The following CACNB2 variants were observed in gnomAD, a reference collection of about 807,000 sequenced individuals.
CACNB2 encodes voltage-dependent L-type calcium channel subunit beta-2.
In CACNB2, 42 loss-of-function variants were observed where a neutral mutation model predicts 73.3. The observed-to-expected ratio is 0.57, with a 90% CI of 0.45 to 0.74. The LOEUF (loss-of-function observed/expected upper bound fraction) is 0.74, where lower values mean the gene tolerates loss of function less well. CACNB2 is among the 30% of genes least tolerant of loss of function. The pLI is 0.00. For missense variants in CACNB2, 940 were observed against 853.0 expected, an observed-to-expected ratio of 1.10 and a Z score of -1.27; for synonymous variants, 348 against 310.3, an observed-to-expected ratio of 1.12 and a Z score of -1.28.
chr10:18,373,689 C>T (rs549805635), intron 2 of CACNB2, among the ~76,000 whole-genome samples: 1 of 152,118 alleles, frequency 6.6e-6, no homozygotes, highest in Non-Finnish European at 1.5e-5. Flanking sequence ...TTGAGGTTAG[C>T]CTAGATGTTC....
rs2049762335 is a variant in CACNB2, at chr10:18,495,604, G to A, written c.334-2751G>A. On this transcript the variant is annotated intron_variant, in intron 3 of 13. Transcript: ENST00000324631. ...GTGTGTGTGTGTGTATAAGAGATGA[G>A]GTCTCACTTTGTTGCCCAGGCTGGT... 2.1e-5 allele frequency among the ~76,000 whole-genome samples: 3 copies of A among 142,952 alleles called. No individual in the cohort carries two copies. The South Asian group carries it at 6.6e-4, about 32-fold the overall frequency. The allele number at this position is 142,952 out of a possible 152,430, so 93.8% of individuals were successfully genotyped here. A position where few individuals can be genotyped will look rare whatever the true frequency, so the allele number is the denominator to read the frequency against.
intron 2 of CACNB2, among the ~76,000 whole-genome samples, chr10:18,362,077 CCTCAGCT>C (rs1258343201): frequency 6.6e-6 from 1 of 152,162 alleles, no homozygotes; most frequent in Non-Finnish European, 1.5e-5. Flanking sequence ...AATCCTCCTG[CCTCAGCT>C]TCCCAATGGG....
chr10:18,229,604 TA>T (rs1213431294), intron 2 of CACNB2, among the ~76,000 whole-genome samples: 4 of 152,324 alleles, frequency 2.6e-5, no homozygotes, highest in African/African-American at 9.6e-5. Context: ...AAAAATGTAT[TA>T]AAATATTAAC....
chr10:18,414,334 T>G (rs141589683), intron 3 of CACNB2, among the ~76,000 whole-genome samples: 1 of 152,186 alleles, frequency 6.6e-6, no homozygotes, highest in African/African-American at 2.4e-5. Context: ...ACCAAGTACT[T>G]GGGAACAAAA....
At chr10:18,230,637 T>C (rs1376453119) in intron 2 of CACNB2, among the ~76,000 whole-genome samples, 2 of 152,156 alleles carry the variant, frequency 1.3e-5, no homozygotes, top group Non-Finnish European at 2.9e-5. Context: ...AAATGATTAC[T>C]GAAGTAAAAT....
At chr10:18,370,430 T>C (rs2042531145) in intron 2 of CACNB2, among the ~76,000 whole-genome samples, 1 of 152,224 alleles carries the variant, frequency 6.6e-6, no homozygotes, top group South Asian at 2.1e-4. Flanking sequence ...CCCCAGTAGC[T>C]GGAACCACAG....
At chr10:18,398,716 A>G (rs2043839990) in intron 2 of CACNB2, among the ~76,000 whole-genome samples, 1 of 149,226 alleles carries the variant, frequency 6.7e-6, no homozygotes, top group Admixed American at 6.7e-5. Flanking sequence ...CACACACACA[A>G]TTGTTTTTGT....
intron 2 of CACNB2, among the ~76,000 whole-genome samples, chr10:18,218,633 G>A (rs374441496): frequency 6.6e-6 from 1 of 150,974 alleles, no homozygotes; most frequent in South Asian, 2.1e-4. Context: ...TGTAACCCCA[G>A]TACTTTTGGG....
At chr10:18,390,318 T>G (rs2043410308) in intron 2 of CACNB2, among the ~76,000 whole-genome samples, 1 of 152,224 alleles carries the variant, frequency 6.6e-6, no homozygotes, top group Non-Finnish European at 1.5e-5. Flanking sequence ...GTTCAAGTGA[T>G]TCTTCTGCCT....
At chr10:18,481,039 G>C (rs941778437) in intron 3 of CACNB2, among the ~76,000 whole-genome samples, 3 of 150,938 alleles carry the variant, frequency 2.0e-5, no homozygotes, top group African/African-American at 7.3e-5. Flanking sequence ...CAATTCCTCT[G>C]CATAAGGCCA....
intron 2 of CACNB2, chr10:18,261,409 T>A (rs2037536999): frequency 1.3e-6 from 2 of 1,528,672 alleles, no homozygotes; most frequent in African/African-American, 2.8e-5. Context: ...CTGTTTTTAT[T>A]CCCTGTGCTG....
chr10:18,329,691 T>G (rs1223433454), intron 2 of CACNB2, among the ~76,000 whole-genome samples: 1 of 152,172 alleles, frequency 6.6e-6, no homozygotes, highest in Non-Finnish European at 1.5e-5. Context: ...TAGAAACCAG[T>G]GCTTTGTACC....
intron 1 of CACNB2, among the ~76,000 whole-genome samples, chr10:18,150,464 G>A (rs1012932843): frequency 1.3e-5 from 2 of 152,190 alleles, no homozygotes; most frequent in African/African-American, 4.8e-5. Flanking sequence ...GGGAGTTCGA[G>A]ACCACCCTGA....
intron 2 of CACNB2, among the ~76,000 whole-genome samples, chr10:18,346,127 G>C (rs1277844): frequency 6.6e-6 from 1 of 151,854 alleles, no homozygotes; most frequent in Non-Finnish European, 1.5e-5. Flanking sequence ...CTCTTAAGAG[G>C]TGGAGAACTG....
At chr10:18,155,380 T>C (rs1330486757) in intron 2 of CACNB2, among the ~76,000 whole-genome samples, 1 of 152,214 alleles carries the variant, frequency 6.6e-6, no homozygotes, top group Non-Finnish European at 1.5e-5. Flanking sequence ...TTGTGGATTG[T>C]CTTTGGTTGA....
At chr10:18,263,641 T>C (rs572137821) in intron 2 of CACNB2, among the ~76,000 whole-genome samples, 4 of 152,198 alleles carry the variant, frequency 2.6e-5, no homozygotes, top group Non-Finnish European at 5.9e-5. Flanking sequence ...TACTCAAACA[T>C]TGTCTCTCAG....
At chr10:18,290,447 C>T (rs866387663) in intron 2 of CACNB2, among the ~76,000 whole-genome samples, 1 of 152,086 alleles carries the variant, frequency 6.6e-6, no homozygotes, top group South Asian at 2.1e-4. Context: ...GTTTCTGGCT[C>T]CCTCTGTCAC....
intron 2 of CACNB2, among the ~76,000 whole-genome samples, chr10:18,330,703 C>T (rs2040764879): frequency 6.6e-6 from 1 of 151,828 alleles, no homozygotes; most frequent in Admixed American, 6.6e-5. Context: ...GAGTCTTGCT[C>T]TGTTGCCCAG....
intron 3 of CACNB2, among the ~76,000 whole-genome samples, chr10:18,452,695 C>T (rs1458490061): frequency 6.6e-6 from 1 of 152,182 alleles, no homozygotes; most frequent in African/African-American, 2.4e-5. Flanking sequence ...CAGGTGCACA[C>T]CAACACACCG....
Sources: gnomAD v4.1 joint callset for allele counts (sites outside exome capture counted in the v4.1 genomes callset) on GRCh38, gnomAD v4.1.1 for gene constraint, MANE v1.5 for transcripts, NCBI Gene and HGNC (gene_info 2026-07-23, HGNC 2026-07-21) for gene names.